C16orf78: variants seen among roughly 807,000 people sequenced by gnomAD.
The protein encoded by C16orf78 is uncharacterized protein C16orf78.
In C16orf78, 19 loss-of-function variants were observed where a neutral mutation model predicts 27.3. That is an observed-to-expected ratio of 0.70 (90% CI 0.49 to 1.02). C16orf78 has a LOEUF of 1.02. Ranked by LOEUF, C16orf78 falls within the 50% of genes least tolerant of loss-of-function variation. The pLI is 0.00. For missense variants in C16orf78, 339 were observed against 337.0 expected, an observed-to-expected ratio of 1.01 and a Z score of -0.05; for synonymous variants, 130 against 116.1, an observed-to-expected ratio of 1.12 and a Z score of -0.77.
chr16:49,379,544 A>AT (rs1242996857), intron 3 of C16orf78, among the ~76,000 whole-genome samples: 1 of 152,004 alleles, frequency 6.6e-6, no homozygotes, highest in African/African-American at 2.4e-5. Flanking sequence ...TTGTGACCAA[A>AT]TTGCAGTCAC....
intron 3 of C16orf78, 148 bp downstream of exon 3, chr16:49,378,741 A>G: frequency 1.7e-6 from 2 of 1,210,626 alleles, no homozygotes; most frequent in Non-Finnish European, 2.3e-6. Flanking sequence ...GCCCACATGG[A>G]GGCTCAGTAG....
chr16:49,378,244 G>A (rs899949973), intron 2 of C16orf78, among the ~76,000 whole-genome samples: 1 of 152,160 alleles, frequency 6.6e-6, no homozygotes, highest in Non-Finnish European at 1.5e-5. Context: ...GGCCCCCAGG[G>A]ACCCCTCCGA....
chr16:49,389,789 T>C (rs537914044), intron 3 of C16orf78, among the ~76,000 whole-genome samples: 7 of 152,340 alleles, frequency 4.6e-5, no homozygotes, highest in East Asian at 1.9e-4. Flanking sequence ...GCAAGTGTTA[T>C]GATTTTTGCC....
At chr16:49,391,903 C>A (rs60136457) in intron 3 of C16orf78, among the ~76,000 whole-genome samples, 1 of 152,036 alleles carries the variant, frequency 6.6e-6, no homozygotes, top group East Asian at 1.9e-4. Flanking sequence ...ATTTCCTCCA[C>A]GCACAAACAG....
chr16:49,373,852 T>C lies in C16orf78; in HGVS notation c.-88T>C. ...TGGAGGCCACACCCTACCTTCTAAG[T>C]CACCAGGCCATCAAGTCCAGACAAA... is the stretch of plus-strand genomic sequence containing the variant. On this transcript the variant is annotated 5_prime_UTR_variant, in exon 1 of 5. Coordinates refer to ENST00000299191, the MANE Select transcript of C16orf78 (RefSeq NM_144602.4). The C allele has an allele frequency of 1.3e-6, 2 of 1,522,444 alleles. No individual in the cohort carries two copies. The highest frequency in any genetic ancestry group is 1.2e-5 in the South Asian group (1 of 80,876). The allele number at this position is 1,522,444 out of a possible 1,614,324, so 94.3% of individuals were successfully genotyped here.
intron 1 of C16orf78, among the ~76,000 whole-genome samples, chr16:49,376,374 G>A (rs1296554866): frequency 3.3e-5 from 5 of 152,168 alleles, no homozygotes; most frequent in South Asian, 2.1e-4. Flanking sequence ...TGTCAATTCC[G>A]CTCAGCTTCC....
chr16:49,380,097 A>C (rs2151611336), intron 3 of C16orf78, among the ~76,000 whole-genome samples: 1 of 152,308 alleles, frequency 6.6e-6, no homozygotes, highest in South Asian at 2.1e-4. Flanking sequence ...GCTTTTGGAC[A>C]CTTGACTCTA....
intron 3 of C16orf78, among the ~76,000 whole-genome samples, chr16:49,383,767 G>A (rs966526509): frequency 6.6e-6 from 1 of 152,004 alleles, no homozygotes; most frequent in African/African-American, 2.4e-5. Context: ...CCAAGGCAAG[G>A]GAATCACTTG....
intron 4 of C16orf78, among the ~76,000 whole-genome samples, chr16:49,396,916 C>G (rs890492443): frequency 6.6e-6 from 1 of 152,216 alleles, no homozygotes; most frequent in Non-Finnish European, 1.5e-5. Flanking sequence ...GGTGCTGCCA[C>G]TTTGATGCCA....
Position 49,373,920 on chromosome 16 carries a change from G to A in C16orf78, c.-20G>A, listed in dbSNP as rs760242659. ...ACAGTGCCAGCCACCTCCCACCCAA[G>A]CCACTAGCAAGACTCCACAATGTCA... On this transcript the variant is annotated 5_prime_UTR_variant, in exon 1 of 5. Coordinates refer to ENST00000299191, the MANE Select transcript of C16orf78 (RefSeq NM_144602.4). 6.8e-6 allele frequency: 11 copies of A among 1,613,620 alleles called. No homozygotes were observed. In the African/African-American group the frequency reaches 9.3e-5, roughly 14 times the overall value.
intron 1 of C16orf78, among the ~76,000 whole-genome samples, chr16:49,375,861 T>A (rs1335815292): frequency 6.6e-6 from 1 of 152,208 alleles, no homozygotes; most frequent in Non-Finnish European, 1.5e-5. Flanking sequence ...TCACAGGAAT[T>A]ACATTCACTT....
intron 3 of C16orf78, 133 bp from the exon 4 acceptor site, chr16:49,396,290 G>A (rs1016509911): frequency 3.2e-5 from 34 of 1,054,660 alleles, no homozygotes; most frequent in Middle Eastern, 3.0e-4. Flanking sequence ...TGGAAGCCAC[G>A]AAAAGACCTC....
At chr16:49,392,903 G>C (rs1319677050) in intron 3 of C16orf78, among the ~76,000 whole-genome samples, 1 of 152,158 alleles carries the variant, frequency 6.6e-6, no homozygotes, top group Non-Finnish European at 1.5e-5. Flanking sequence ...GGAAGTAATT[G>C]AATCATGGAG....
intron 3 of C16orf78, among the ~76,000 whole-genome samples, chr16:49,385,177 A>T (rs1965333004): frequency 6.6e-6 from 1 of 152,158 alleles, no homozygotes; most frequent in Admixed American, 6.5e-5. Context: ...AATGACTTTC[A>T]ACTCTAGTAT....
chr16:49,377,610 T>C lies in C16orf78; in HGVS notation c.151-121T>C, dbSNP rs1965235162. 4 of 1,263,738 alleles carry C rather than the reference T, an allele frequency of 3.2e-6. No individual in the cohort carries two copies. In the East Asian group the frequency reaches 1.0e-4, roughly 32 times the overall value. 78.3% of individuals were successfully genotyped at this position (1,263,738 alleles called of 1,614,324 possible). On this transcript the variant is annotated intron_variant, in intron 1 of 4. Coordinates refer to ENST00000299191, the MANE Select transcript of C16orf78 (RefSeq NM_144602.4). ...CAGTGACGACAGGCCCTAGAGTGTG[T>C]GTGCTGAAGCCTGTGGAGGGGAGGG...
At chr16:49,380,283 C>T (rs1190429500) in intron 3 of C16orf78, among the ~76,000 whole-genome samples, 1 of 152,188 alleles carries the variant, frequency 6.6e-6, no homozygotes, top group Non-Finnish European at 1.5e-5. Flanking sequence ...CCTTAATAAA[C>T]TCCCCTTCAT....
chr16:49,377,754 A>G lies in C16orf78; in HGVS notation c.174A>G (p.Thr58=), dbSNP rs2151610532. Residue 58 remains threonine (T), a synonymous_variant, in exon 2 of 5, where the codon ACA becomes ACG. Transcript: ENST00000299191. ...APEKQKPKVV[T]VLKRNKKKEE... ...AGAAGCAAAAGCCCAAAGTGGTGAC[A>G]GTCCTTAAACGAAATAAGAAGAAGG... 1 of 1,603,632 alleles carries G rather than the reference A, an allele frequency of 6.2e-7. No individual in the cohort carries two copies. Among genetic ancestry groups the G allele is most frequent in the East Asian group, 2.2e-5 (1 of 44,726 alleles).
rs140023005 is a variant in C16orf78, at chr16:49,378,444, G to A, written c.271-26G>A. 53 of 1,552,986 alleles carry A rather than the reference G, an allele frequency of 3.4e-5. No homozygotes were observed. In the South Asian group the frequency reaches 6.2e-4, roughly 18 times the overall value. On this transcript the variant is annotated intron_variant, in intron 2 of 4. Transcript: ENST00000299191. ...GCGAGCCAGGTCCTGTAACTGGGGT[G>A]TGACTTCTCACCTGCTCCCTCCAAG... is the stretch of plus-strand genomic sequence containing the variant.
intron 4 of C16orf78, among the ~76,000 whole-genome samples, chr16:49,397,839 C>T (rs1004462734): frequency 1.3e-5 from 2 of 152,158 alleles, no homozygotes; most frequent in Non-Finnish European, 2.9e-5. Context: ...GATCTCGGCT[C>T]ACTGCAACCT....
Sources: gnomAD v4.1 joint callset for allele counts (sites outside exome capture counted in the v4.1 genomes callset) on GRCh38, gnomAD v4.1.1 for gene constraint, MANE v1.5 for transcripts, NCBI Gene and HGNC (gene_info 2026-07-23, HGNC 2026-07-21) for gene names.